The following ALDH1A1 variants were observed in gnomAD, a reference collection of about 807,000 sequenced individuals.
ALDH1A1 encodes the protein aldehyde dehydrogenase 1A1.
A neutral mutation model predicts 62.1 loss-of-function variants in ALDH1A1; 19 were observed. That is an observed-to-expected ratio of 0.31 (90% confidence interval 0.21 to 0.45). The LOEUF is 0.45. Among genes scored for constraint, ALDH1A1 ranks in the 20% least tolerant of loss-of-function variants. The pLI is 1.00. For synonymous variants in ALDH1A1, 231 were observed against 215.9 expected (o/e 1.07, Z -0.61); for missense variants, 521 against 607.1 (o/e 0.86, Z 1.49).
rs142280224 is a variant in ALDH1A1, at chr9:72,912,022, C to T, written c.1136G>A (p.Gly379Asp). The change falls in exon 10 of 13, where the codon GGC becomes GAC. Residue 379 changes from glycine (G) to aspartate (D), a missense_variant. By Grantham distance (94) the Gly-to-Asp change is moderately conservative. Coordinates refer to ENST00000297785, the MANE Select transcript of ALDH1A1 (RefSeq NM_000689.5). ...GAACACTGTGGGCTGGACAAAGTAG[C>T]CTTTATTCCCCCACGGGCCTCCTCC... Reference protein sequence around the residue: ...ECGGGPWGNKGYFVQPTVFSN... With the variant: ...ECGGGPWGNKDYFVQPTVFSN... 1 of 1,613,988 alleles carries T rather than the reference C, an allele frequency of 6.2e-7. No individual in the cohort carries two copies. The highest frequency in any genetic ancestry group is 1.1e-5 in the South Asian group (1 of 91,062).
chr9:72,901,475 G>GA (rs763699654), intron 12 of ALDH1A1, among the ~76,000 whole-genome samples, 195 bp from the exon 13 acceptor site: 7 of 152,030 alleles, frequency 4.6e-5, no homozygotes, highest in Non-Finnish European at 8.8e-5. Flanking sequence ...CCCTTGTGGG[G>GA]AAAATTTTCT....
chr9:72,952,273 C>T (rs960877964), intron 1 of ALDH1A1, among the ~76,000 whole-genome samples: 1 of 151,908 alleles, frequency 6.6e-6, no homozygotes, highest in African/African-American at 2.4e-5. Context: ...TTTCCTAGTT[C>T]CCCCCAGCTG....
At chr9:72,904,034 G>A (rs1829841582) in intron 12 of ALDH1A1, among the ~76,000 whole-genome samples, 1 of 152,036 alleles carries the variant, frequency 6.6e-6, no homozygotes, top group African/African-American at 2.4e-5. Context: ...TATGTGGCTA[G>A]GGATTTAATA....
chr9:72,951,135 A>G lies in ALDH1A1; in HGVS notation c.66+1800T>C, dbSNP rs375288913. The stretch of plus-strand genomic sequence containing the variant: ...TTTACCCAGAAAAGTTCTTAAACAC[A>G]GAGCAAAACGCCTGCTCTTTGAGTC... On this transcript the variant is annotated intron_variant, in intron 1 of 12. Transcript: ENST00000297785. Among the ~76,000 whole-genome samples the G allele has an allele frequency of 6.6e-5, 10 of 152,060 alleles. No homozygotes were observed. In the East Asian group the frequency reaches 9.7e-4, roughly 15 times the overall value.
Position 72,930,940 on chromosome 9 carries a change from TC to T in ALDH1A1, c.250del (p.Glu84ArgfsTer12). 6.2e-7 allele frequency: 1 copy of T among 1,614,032 alleles called. No homozygotes were observed. Among genetic ancestry groups the T allele is most frequent in the Non-Finnish European group, 8.5e-7 (1 of 1,179,960 alleles). ...GSPWRTMDAS[E>X]RGRLLYKLAD... Reference sequence around the variant, plus strand: ...CAACTTGTATAATAGTCGCCCCCTCTCGGAAGCATCCATAGTACGCCACGGG... The same window carrying T: ...CAACTTGTATAATAGTCGCCCCCTCTGGAAGCATCCATAGTACGCCACGGG... On this transcript the variant is annotated frameshift_variant, in exon 3 of 13. Transcript: ENST00000297785. LOFTEE classifies it high-confidence loss of function.
At chr9:72,916,821 G>T in intron 9 of ALDH1A1, 99 bp downstream of exon 9, 2 of 978,630 alleles carry the variant, frequency 2.0e-6, no homozygotes, top group Non-Finnish European at 2.8e-6. Context: ...CTAGGAAGGT[G>T]TGCAGATGGG....
At chr9:72,944,856 G>C (rs1447834990) in intron 1 of ALDH1A1, among the ~76,000 whole-genome samples, 1 of 152,048 alleles carries the variant, frequency 6.6e-6, no homozygotes, top group Non-Finnish European at 1.5e-5. Flanking sequence ...CCTTCTGTTT[G>C]AAATATTGAT....
intron 11 of ALDH1A1, among the ~76,000 whole-genome samples, chr9:72,908,619 GAAAGAAAGA>G (rs1829934619): frequency 9.6e-6 from 1 of 103,754 alleles, no homozygotes; most frequent in African/African-American, 3.4e-5. Context: ...AAGAAAGAAA[GAAAGAAAGA>G]GAATATTGCA....
At chr9:72,909,187 G>A (rs1554739535) in intron 11 of ALDH1A1, among the ~76,000 whole-genome samples, 2 of 114,432 alleles carry the variant, frequency 1.7e-5, no homozygotes, top group South Asian at 2.7e-4. Context: ...TTGAGACGGA[G>A]TTTTGCTCTT....
In ALDH1A1 at chr9:72,917,031, C is replaced by A. The variant is rs1324971222; in HGVS notation, c.924G>T (p.Arg308Ser). 1 of 1,613,974 alleles carries A rather than the reference C, an allele frequency of 6.2e-7. No homozygotes were observed. The change falls in exon 9 of 13, where the codon AGG becomes AGT. Residue 308 changes from arginine (R) to serine (S), a missense_variant. Physicochemically the swap from Arg to Ser is moderately radical, Grantham distance 110. Transcript: ENST00000297785. The part of the protein sequence containing the change: ...HQGQCCIAAS[R>S]IFVEESIYDE... ...CATAAATTGATTCTTCCACAAAAAT[C>A]CTGGATGCGGCTATACAACACTGGC...
At chr9:72,918,337 G>A (rs899192262) in intron 8 of ALDH1A1, among the ~76,000 whole-genome samples, 2 of 152,168 alleles carry the variant, frequency 1.3e-5, no homozygotes, top group African/African-American at 4.8e-5. Context: ...ATGTGAAACT[G>A]CTGTCTCCTC....
At chr9:72,910,961 C>T (rs983638555) in intron 10 of ALDH1A1, among the ~76,000 whole-genome samples, 1 of 152,078 alleles carries the variant, frequency 6.6e-6, no homozygotes, top group East Asian at 1.9e-4. Context: ...AGCTGTTCTA[C>T]TGTATATTAA....
intron 2 of ALDH1A1, among the ~76,000 whole-genome samples, chr9:72,935,524 A>G (rs1210435985): frequency 1.3e-5 from 2 of 152,302 alleles, no homozygotes; most frequent in South Asian, 4.1e-4. Context: ...GACCAGTTTT[A>G]CTTTTACACA....
chr9:72,919,523 C>T (rs1830110097), intron 7 of ALDH1A1, among the ~76,000 whole-genome samples: 1 of 152,142 alleles, frequency 6.6e-6, no homozygotes, highest in African/African-American at 2.4e-5. Flanking sequence ...TTCTAGTCTC[C>T]CAAAAAACCT....
chr9:72,923,760 C>A (rs1211700956), intron 7 of ALDH1A1: 4 of 256,680 alleles, frequency 1.6e-5, no homozygotes, highest in Non-Finnish European at 2.9e-5. Flanking sequence ...AAGGTCTCAG[C>A]AGCCATATTT....
intron 5 of ALDH1A1, 46 bp downstream of exon 5, chr9:72,927,070 G>A (rs1336391521): frequency 7.3e-7 from 1 of 1,373,698 alleles, no homozygotes; most frequent in East Asian, 2.3e-5. Context: ...GATAGAATAA[G>A]AACTCTTCTT....
In ALDH1A1 at chr9:72,917,023, A is replaced by C. The variant is rs1399091950; in HGVS notation, c.932T>G (p.Val311Gly). Residue 311 changes from valine (V) to glycine (G), a missense_variant, in exon 9 of 13, where the codon GTG becomes GGG. Coordinates refer to ENST00000297785, the MANE Select transcript of ALDH1A1 (RefSeq NM_000689.5). ...QCCIAASRIF[V>G]EESIYDEFVR... ...AAACTCATCATAAATTGATTCTTCC[A>C]CAAAAATCCTGGATGCGGCTATACA... The C allele has an allele frequency of 6.2e-7, 1 of 1,613,956 alleles. No homozygotes were observed. The highest frequency in any genetic ancestry group is 8.5e-7 in the Non-Finnish European group (1 of 1,179,886).
rs1439256833 is a variant in ALDH1A1 at position 72,916,967 on chromosome 9, A to G, written c.988T>C (p.Tyr330His). ...VRRSVERAKK[Y>H]ILGNPLTPGV... ...GGGGTCAGAGGATTTCCAAGGATAT[A>G]CTTCTTAGCCCGCTCAACACTCCTT... The change falls in exon 9 of 13, where the codon TAT becomes CAT. Residue 330 changes from tyrosine to histidine, a missense_variant. Physicochemically the swap from Tyr to His is moderately conservative, Grantham distance 83. Transcript: ENST00000297785. 2 of 1,613,378 alleles carry G rather than the reference A, an allele frequency of 1.2e-6. No homozygotes were observed. The highest frequency in any genetic ancestry group is 2.7e-5 in the African/African-American group (2 of 74,826).
chr9:72,908,308 G>A (rs1487231817), intron 11 of ALDH1A1, among the ~76,000 whole-genome samples: 2 of 151,088 alleles, frequency 1.3e-5, no homozygotes, highest in Non-Finnish European at 3.0e-5. Context: ...GGTGGTACAT[G>A]CCTGTAGTCC....
Sources: gnomAD v4.1 joint callset for allele counts (sites outside exome capture counted in the v4.1 genomes callset) on GRCh38, gnomAD v4.1.1 for gene constraint, MANE v1.5 for transcripts, NCBI Gene and HGNC (gene_info 2026-07-23, HGNC 2026-07-21) for gene names.